SLC9A9: variants seen among roughly 807,000 people sequenced by gnomAD.
The protein encoded by SLC9A9 is sodium/hydrogen exchanger 9.
A neutral mutation model predicts 77.8 loss-of-function variants in SLC9A9; 62 were observed. The ratio of observed to expected loss-of-function variants is 0.80; its 90% confidence interval spans 0.65 to 0.98. SLC9A9 has a LOEUF of 0.98. Ranked by LOEUF, SLC9A9 falls within the 50% of genes least tolerant of loss-of-function variation. SLC9A9 has a pLI of 0.00. For synonymous variants in SLC9A9, 320 were observed against 283.5 expected (o/e 1.13, Z -1.29); for missense variants, 775 against 774.9 (o/e 1.00, Z 0.00).
chr3:143,646,208 T>C (rs1220096710), intron 6 of SLC9A9, among the ~76,000 whole-genome samples: 1 of 151,160 alleles, frequency 6.6e-6, no homozygotes, highest in Admixed American at 6.6e-5. Flanking sequence ...CACTTGTGAT[T>C]CCACATAACA....
At chr3:143,353,743 TAGG>T (rs1428657157) in intron 14 of SLC9A9, among the ~76,000 whole-genome samples, 1 of 152,156 alleles carries the variant, frequency 6.6e-6, no homozygotes, top group African/African-American at 2.4e-5. Context: ...CTCTGTGGCT[TAGG>T]AGAAGGCAGA....
rs1428635731 is a variant in SLC9A9 at position 143,518,226 on chromosome 3, C to A, written c.1090-22778G>T. The A allele has an allele frequency of 5.6e-6, 9 of 1,596,044 alleles. No individual in the cohort carries two copies. In the African/African-American group the frequency reaches 1.2e-4, roughly 21 times the overall value. On this transcript the variant is annotated intron_variant, in intron 9 of 15. Transcript: ENST00000316549. ...CGAAGCTTGTTCACTTTGCGGGGGT[C>A]CATGGCAGGGAGGTGGTGGGCGAAG...
At chr3:143,281,078 T>C (rs540467121) in intron 14 of SLC9A9, among the ~76,000 whole-genome samples, 2 of 152,186 alleles carry the variant, frequency 1.3e-5, no homozygotes, top group African/African-American at 2.4e-5. Flanking sequence ...TTCTGGCCAA[T>C]GTGCTATGGT....
chr3:143,375,909 C>T (rs868775892), intron 13 of SLC9A9, among the ~76,000 whole-genome samples: 2 of 152,208 alleles, frequency 1.3e-5, no homozygotes, highest in Non-Finnish European at 2.9e-5. Flanking sequence ...AACAGGTAGG[C>T]ATGTTCCTGC....
intron 12 of SLC9A9, 72 bp downstream of exon 12, chr3:143,466,965 T>G: frequency 2.6e-6 from 4 of 1,557,962 alleles, no homozygotes; most frequent in Non-Finnish European, 3.5e-6. Flanking sequence ...ATTGACTAAG[T>G]CAGCAATACC....
intron 9 of SLC9A9, among the ~76,000 whole-genome samples, chr3:143,544,371 CGCCT>C (rs2036747177): frequency 6.6e-6 from 1 of 152,058 alleles, no homozygotes; most frequent in African/African-American, 2.4e-5. Flanking sequence ...GGACTATAGG[CGCCT>C]GCCACCACGC....
Position 143,583,464 on chromosome 3 carries a change from A to G in SLC9A9, c.756-4741T>C, listed in dbSNP as rs1186009380. 2.6e-5 allele frequency among the ~76,000 whole-genome samples: 4 copies of G among 152,190 alleles called. No homozygotes were observed. In the East Asian group the frequency reaches 5.8e-4, roughly 22 times the overall value. On this transcript the variant is annotated intron_variant, in intron 6 of 15. Transcript: ENST00000316549. Reference sequence around the variant, plus strand: ...TTCTCTACAACTCATCTTTTCTTCTATATGATGCTCCTGCAAGGAATGGGT... The same window carrying G: ...TTCTCTACAACTCATCTTTTCTTCTGTATGATGCTCCTGCAAGGAATGGGT...
chr3:143,441,271 G>A (rs1227210422), intron 12 of SLC9A9, among the ~76,000 whole-genome samples: 2 of 152,098 alleles, frequency 1.3e-5, no homozygotes, highest in Non-Finnish European at 2.9e-5. Flanking sequence ...TCTGCTTAAC[G>A]GATATTCTAG....
At chr3:143,626,272 A>C (rs1421042247) in intron 6 of SLC9A9, among the ~76,000 whole-genome samples, 1 of 152,214 alleles carries the variant, frequency 6.6e-6, no homozygotes, top group Admixed American at 6.5e-5. Context: ...CTGGGTATAC[A>C]CCCAAAGGAT....
intron 1 of SLC9A9, among the ~76,000 whole-genome samples, chr3:143,838,326 G>A (rs1171996068): frequency 1.3e-5 from 2 of 152,290 alleles, no homozygotes; most frequent in South Asian, 2.1e-4. Context: ...CGTCAATGAC[G>A]CACATCAAGC....
chr3:143,810,175 C>T (rs1220398013), intron 2 of SLC9A9, among the ~76,000 whole-genome samples: 2 of 152,106 alleles, frequency 1.3e-5, no homozygotes, highest in Non-Finnish European at 2.9e-5. Context: ...CTAGCAATGG[C>T]CCAGACATAT....
chr3:143,363,728 T>C (rs577136777), intron 13 of SLC9A9, among the ~76,000 whole-genome samples, 165 bp from the exon 14 acceptor site: 63 of 152,342 alleles, frequency 4.1e-4, no homozygotes, highest in African/African-American at 1.5e-3. Flanking sequence ...AATTAGCTCA[T>C]AAATCTTGCT....
rs536454985 is a variant in SLC9A9 at position 143,565,367 on chromosome 3, T to C, written c.1000+8721A>G. Among the ~76,000 whole-genome samples the C allele has an allele frequency of 4.7e-4, 72 of 152,334 alleles. 1 individual carries two copies. In the South Asian group the frequency reaches 0.014, roughly 29 times the overall value. On this transcript the variant is annotated intron_variant, in intron 8 of 15. Coordinates refer to ENST00000316549, the MANE Select transcript of SLC9A9 (RefSeq NM_173653.4). ...CATGCCTATGCAGAATATGGGTTCT[T>C]GGGAAATAATTTTACCTTTTTCTCT...
chr3:143,369,592 A>C (rs1238893850), intron 13 of SLC9A9, among the ~76,000 whole-genome samples: 1 of 152,174 alleles, frequency 6.6e-6, no homozygotes, highest in Non-Finnish European at 1.5e-5. Flanking sequence ...CATGTATCAA[A>C]TTATCATTCT....
At chr3:143,732,256 G>C (rs1418506163) in intron 4 of SLC9A9, among the ~76,000 whole-genome samples, 1 of 152,104 alleles carries the variant, frequency 6.6e-6, no homozygotes, top group Non-Finnish European at 1.5e-5. Context: ...CCAGCTTATG[G>C]GTCTTTGTCA....
intron 5 of SLC9A9, among the ~76,000 whole-genome samples, chr3:143,658,003 A>T (rs1263285792): frequency 6.6e-6 from 1 of 152,090 alleles, no homozygotes; most frequent in East Asian, 1.9e-4. Flanking sequence ...AATAGCTGGG[A>T]CTACAGGTGC....
chr3:143,733,965 G>C (rs1934874945), intron 4 of SLC9A9, among the ~76,000 whole-genome samples: 1 of 152,156 alleles, frequency 6.6e-6, no homozygotes, highest in South Asian at 2.1e-4. Context: ...GGGACACCAA[G>C]GTAGGAGGAT....
chr3:143,474,712 G>A (rs2035439600), intron 11 of SLC9A9, among the ~76,000 whole-genome samples: 1 of 152,008 alleles, frequency 6.6e-6, no homozygotes, highest in African/African-American at 2.4e-5. Flanking sequence ...TGAGTGTGGA[G>A]TTCAGGGGAA....
At chr3:143,590,849 G>A (rs566668468) in intron 6 of SLC9A9, among the ~76,000 whole-genome samples, 3 of 152,316 alleles carry the variant, frequency 2.0e-5, no homozygotes, top group East Asian at 1.9e-4. Flanking sequence ...CCAATTCACA[G>A]CTCACCACAT....
Sources: gnomAD v4.1 joint callset for allele counts (sites outside exome capture counted in the v4.1 genomes callset) on GRCh38, gnomAD v4.1.1 for gene constraint, MANE v1.5 for transcripts, NCBI Gene and HGNC (gene_info 2026-07-23, HGNC 2026-07-21) for gene names.